Variants in NRG1 observed in about 807,000 individuals in gnomAD.
NRG1 encodes pro-neuregulin-1, membrane-bound isoform.
A neutral mutation model predicts 63.8 loss-of-function variants in NRG1; 18 were observed. The observed-to-expected ratio is 0.28, with a 90% confidence interval of 0.19 to 0.42. NRG1 has a LOEUF of 0.42. NRG1 is among the 10% of genes least tolerant of loss of function. The pLI, the probability that NRG1 is intolerant of heterozygous loss-of-function variation, is 1.00. For synonymous variants in NRG1, 302 were observed against 301.3 expected (o/e 1.00, Z -0.02); for missense variants, 762 against 814.7 (o/e 0.94, Z 0.79).
rs374409089 is a variant in NRG1, at chr8:32,523,129, G to C, written c.38-72699G>C. On this transcript the variant is annotated intron_variant, in intron 1 of 10. Coordinates refer to the NRG1 transcript ENST00000519301. ...TTAATTTGTCTATTTTTATTGTTAA[G>C]TTTCTCAAAGAAATGCTCAATGCCT... is the stretch of plus-strand genomic sequence containing the variant. Among the ~76,000 whole-genome samples, 58 of 152,170 alleles carry C rather than the reference G, an allele frequency of 3.8e-4. 1 individual carries two copies. In the East Asian group the frequency reaches 6.8e-3, roughly 18 times the overall value.
chr8:31,864,838 G>A (rs1828808706), intron 1 of NRG1, among the ~76,000 whole-genome samples: 1 of 152,136 alleles, frequency 6.6e-6, no homozygotes, highest in South Asian at 2.1e-4. Flanking sequence ...TGAGCAGATA[G>A]GTGAGAGGTA....
chr8:32,754,913 G>C lies in NRG1; in HGVS notation c.794+439G>C, dbSNP rs111360014. On this transcript the variant is annotated intron_variant, in intron 8 of 11. Coordinates refer to ENST00000356819, the Ensembl canonical transcript of NRG1. ...AGAGACTGACTGCATTCAGGGTGCA[G>C]TAGTACCTTCAGTTCAAAGGACTAC... 1.5e-3 allele frequency among the ~76,000 whole-genome samples: 222 copies of C among 152,270 alleles called. 1 individual carries two copies. Among genetic ancestry groups the C allele is most frequent in the African/African-American group, 5.2e-3 (217 of 41,560 alleles).
At chr8:32,095,495 C>G (rs1829785606) in intron 1 of NRG1, among the ~76,000 whole-genome samples, 1 of 152,154 alleles carries the variant, frequency 6.6e-6, no homozygotes, top group South Asian at 2.1e-4. Flanking sequence ...GAAGCACTGG[C>G]TTGGAGTAAA....
At chr8:31,874,216 A>G (rs750449102) in intron 1 of NRG1, among the ~76,000 whole-genome samples, 5 of 152,216 alleles carry the variant, frequency 3.3e-5, no homozygotes, top group Non-Finnish European at 5.9e-5. Flanking sequence ...GGGTCATGCT[A>G]GTGAATTAAC....
At chr8:32,754,570 T>TG in intron 8 of NRG1, 96 bp downstream of exon 8, 1 of 1,124,882 alleles carries the variant, frequency 8.9e-7, no homozygotes, top group Non-Finnish European at 1.3e-6. Context: ...AGCCTAGTCT[T>TG]GGGGATAAAA....
At chr8:32,397,502 T>C (rs1250962754) in intron 1 of NRG1, among the ~76,000 whole-genome samples, 1 of 147,060 alleles carries the variant, frequency 6.8e-6, no homozygotes, top group Non-Finnish European at 1.5e-5. Flanking sequence ...ATGTTATATA[T>C]GGAGGCAATC....
intron 1 of NRG1, among the ~76,000 whole-genome samples, chr8:32,159,553 A>AAG (rs969663147): frequency 2.6e-5 from 4 of 151,790 alleles, no homozygotes; most frequent in Admixed American, 1.3e-4. Context: ...AAAAAAAAAA[A>AAG]AAAAAGAAAA....
chr8:32,057,633 G>A (rs1823174013), intron 1 of NRG1, among the ~76,000 whole-genome samples: 1 of 152,140 alleles, frequency 6.6e-6, no homozygotes, highest in Non-Finnish European at 1.5e-5. Flanking sequence ...CAAGAGACTG[G>A]TTTAATAAAC....
intron 1 of NRG1, among the ~76,000 whole-genome samples, chr8:32,405,979 A>G (rs1587423743): frequency 6.6e-6 from 1 of 152,296 alleles, no homozygotes; most frequent in East Asian, 1.9e-4. Context: ...AGAAAATAAA[A>G]TATTTTAGGT....
At chr8:31,918,991 G>T (rs1268600443) in intron 1 of NRG1, among the ~76,000 whole-genome samples, 2 of 152,182 alleles carry the variant, frequency 1.3e-5, no homozygotes, top group East Asian at 1.9e-4. Context: ...TATTTGCATA[G>T]AGGTGTTTGT....
chr8:31,804,914 G>A (rs2062817), intron 1 of NRG1, among the ~76,000 whole-genome samples: 33,338 of 152,192 alleles, frequency 0.22, 4,801 homozygotes, highest in East Asian at 0.67. Flanking sequence ...TCATGCATTT[G>A]TGGTATTGGA....
chr8:31,978,790 T>A (rs1297246238), intron 1 of NRG1, among the ~76,000 whole-genome samples: 2 of 152,156 alleles, frequency 1.3e-5, no homozygotes, highest in Non-Finnish European at 2.9e-5. Flanking sequence ...ATGTGAGATG[T>A]TTAAAAATGT....
chr8:32,081,990 G>C (rs1827526816), intron 1 of NRG1, among the ~76,000 whole-genome samples: 1 of 152,108 alleles, frequency 6.6e-6, no homozygotes, highest in Admixed American at 6.6e-5. Context: ...TCTGGGGCTG[G>C]CTTTGACAAA....
At chr8:32,447,925 A>T (rs1201404160) in intron 1 of NRG1, among the ~76,000 whole-genome samples, 2 of 152,012 alleles carry the variant, frequency 1.3e-5, no homozygotes, top group Non-Finnish European at 2.9e-5. Context: ...TGACTTTCTT[A>T]CTATAACTCC....
At chr8:31,823,205 A>T (rs1479031131) in intron 1 of NRG1, among the ~76,000 whole-genome samples, 1 of 136,180 alleles carries the variant, frequency 7.3e-6, no homozygotes, top group African/African-American at 2.8e-5. Flanking sequence ...ACAAGGATGT[A>T]TTGGCAGGGT....
chr8:31,856,064 C>A (rs1460794213), intron 1 of NRG1, among the ~76,000 whole-genome samples: 1 of 151,034 alleles, frequency 6.6e-6, no homozygotes, highest in East Asian at 1.9e-4. Flanking sequence ...TTCATTTCAA[C>A]TTTGGTGAAT....
chr8:32,348,428 T>G (rs1395639066), intron 1 of NRG1, among the ~76,000 whole-genome samples: 3 of 152,190 alleles, frequency 2.0e-5, no homozygotes, highest in Non-Finnish European at 4.4e-5. Context: ...AACATTTAAG[T>G]GGCAGGAAGA....
At chr8:32,481,173 A>G (rs1825225160) in intron 1 of NRG1, among the ~76,000 whole-genome samples, 3 of 151,948 alleles carry the variant, frequency 2.0e-5, no homozygotes, top group South Asian at 2.1e-4. Flanking sequence ...ATGAAATCTC[A>G]TCTCTAAAAA....
At chr8:32,107,812 G>A (rs1183690529) in intron 1 of NRG1, among the ~76,000 whole-genome samples, 1 of 152,094 alleles carries the variant, frequency 6.6e-6, no homozygotes, top group South Asian at 2.1e-4. Flanking sequence ...AAAAATATCA[G>A]CATCTTTTTC....
Sources: allele counts gnomAD v4.1 joint callset (sites outside exome capture counted in the v4.1 genomes callset), GRCh38; gene constraint gnomAD v4.1.1; transcripts MANE v1.5; gene names NCBI Gene and HGNC (gene_info 2026-07-23, HGNC 2026-07-21).